Variants in DGKI observed in about 807,000 individuals in gnomAD.
DGKI encodes the protein DAG kinase iota.
A neutral mutation model predicts 147.5 loss-of-function variants in DGKI; 55 were observed. That is an observed-to-expected ratio of 0.37 (90% CI 0.30 to 0.47). DGKI has a LOEUF of 0.47. Ranked by LOEUF, DGKI falls within the 20% of genes least tolerant of loss-of-function variation. DGKI has a pLI of 1.00. For synonymous variants in DGKI, 469 were observed against 477.1 expected, an observed-to-expected ratio of 0.98 and a Z score of 0.22; for missense variants, 1,007 against 1,323.8, an observed-to-expected ratio of 0.76 and a Z score of 3.71.
chr7:137,592,389 C>G (rs1383287475), intron 12 of DGKI, among the ~76,000 whole-genome samples: 1 of 152,228 alleles, frequency 6.6e-6, no homozygotes, highest in Non-Finnish European at 1.5e-5. Context: ...GCAGGGCTGA[C>G]AGATTGAGAA....
intron 1 of DGKI, among the ~76,000 whole-genome samples, chr7:137,699,299 T>C (rs950122551): frequency 5.3e-5 from 8 of 152,194 alleles, no homozygotes; most frequent in Non-Finnish European, 1.5e-5. Flanking sequence ...GATTTTAGGA[T>C]TGAGAGGGGG....
chr7:137,598,210 C>T (rs764253790), intron 11 of DGKI, among the ~76,000 whole-genome samples: 2 of 152,152 alleles, frequency 1.3e-5, no homozygotes, highest in Non-Finnish European at 2.9e-5. Context: ...TTATTTTCCT[C>T]GTTAGTTTTG....
chr7:137,583,063 C>T (rs1302713718), intron 14 of DGKI, among the ~76,000 whole-genome samples: 1 of 151,936 alleles, frequency 6.6e-6, no homozygotes, highest in African/African-American at 2.4e-5. Flanking sequence ...GGAGAACTTC[C>T]TTTCATTAAG....
intron 1 of DGKI, among the ~76,000 whole-genome samples, chr7:137,790,242 AC>A (rs1796810222): frequency 6.7e-6 from 1 of 149,358 alleles, no homozygotes; most frequent in Non-Finnish European, 1.5e-5. Flanking sequence ...ACACACACAC[AC>A]ACACACACAC....
intron 1 of DGKI, among the ~76,000 whole-genome samples, chr7:137,828,039 CT>C (rs1798109597): frequency 6.6e-6 from 1 of 152,198 alleles, no homozygotes; most frequent in Admixed American, 6.5e-5. Context: ...CAGGGCTCCC[CT>C]ATCCTGCCCG....
At chr7:137,623,641 A>G in intron 6 of DGKI, 87 bp from the exon 7 acceptor site, 1 of 1,097,800 alleles carries the variant, frequency 9.1e-7, no homozygotes, top group Non-Finnish European at 1.4e-6. Flanking sequence ...TGACGTGAAT[A>G]AGGCCAGAAG....
intron 1 of DGKI, among the ~76,000 whole-genome samples, chr7:137,840,629 T>C (rs1210804141): frequency 6.6e-6 from 1 of 152,194 alleles, no homozygotes; most frequent in African/African-American, 2.4e-5. Context: ...GCTGCCTAAA[T>C]GGCTGATGCA....
chr7:137,646,535 C>T (rs950756258), intron 5 of DGKI, among the ~76,000 whole-genome samples: 1 of 152,158 alleles, frequency 6.6e-6, no homozygotes, highest in African/African-American at 2.4e-5. Context: ...GGATACATTA[C>T]AAGAAAGTCA....
rs1048829393 is a variant in DGKI, at chr7:137,389,613, T to C, written c.*1607A>G. ...TCAGATTTCGCCAAAAGTAAAATCC[T>C]TGGACACCTACTTTTATTTTTGACT... is the stretch of plus-strand genomic sequence containing the variant. On this transcript the variant is annotated 3_prime_UTR_variant, in exon 33 of 33. Coordinates refer to ENST00000614521, the MANE Select transcript of DGKI (RefSeq NM_001321708.2). 5.3e-5 allele frequency: 8 copies of C among 152,180 alleles called. No homozygotes were observed. Among genetic ancestry groups the C allele is most frequent in the African/African-American group, 1.7e-4 (7 of 41,460 alleles). 9.4% of individuals were successfully genotyped at this position (152,180 alleles called of 1,614,324 possible).
Position 137,395,941 on chromosome 7 carries a change from A to G in DGKI, c.2958-244T>C, listed in dbSNP as rs559361944. On this transcript the variant is annotated intron_variant, in intron 31 of 32. Coordinates refer to ENST00000614521, the MANE Select transcript of DGKI (RefSeq NM_001321708.2). ...CAAATAGTGTTGATTAAGTTTAGTA[A>G]TTTTTTTAAAAGCTACTACTATTTG... 6 of 477,214 alleles carry G rather than the reference A, an allele frequency of 1.3e-5. No homozygotes were observed. In the Admixed American group the frequency reaches 2.0e-4, roughly 16 times the overall value. The allele number at this position is 477,214 out of a possible 1,614,324, so 29.6% of individuals were successfully genotyped here. A position where few individuals can be genotyped will look rare whatever the true frequency, so the allele number is the denominator to read the frequency against.
chr7:137,607,441 T>C (rs772237093), intron 10 of DGKI, among the ~76,000 whole-genome samples: 23 of 152,218 alleles, frequency 1.5e-4, no homozygotes, highest in Non-Finnish European at 2.5e-4. Context: ...CCGTCATTAA[T>C]AATTTACACA....
chr7:137,735,311 T>C (rs977493373), intron 1 of DGKI, among the ~76,000 whole-genome samples: 2 of 152,164 alleles, frequency 1.3e-5, no homozygotes, highest in African/African-American at 4.8e-5. Context: ...GCTTTACTAA[T>C]CATCAATTCA....
intron 20 of DGKI, among the ~76,000 whole-genome samples, chr7:137,538,158 C>T (rs994370293): frequency 4.6e-5 from 7 of 152,144 alleles, no homozygotes; most frequent in Admixed American, 4.6e-4. Context: ...ATTTAGCCAT[C>T]TATGGCTAAT....
chr7:137,649,843 TTA>T (rs1821963216), intron 5 of DGKI, among the ~76,000 whole-genome samples: 1 of 150,966 alleles, frequency 6.6e-6, no homozygotes, highest in African/African-American at 2.4e-5. Context: ...CCGTTATGGC[TTA>T]TGACTAAGAA....
chr7:137,571,244 G>T lies in DGKI; in HGVS notation c.1878C>A (p.His626Gln), dbSNP rs926312060. 5 of 1,613,012 alleles carry T rather than the reference G, an allele frequency of 3.1e-6. No individual in the cohort carries two copies. Among genetic ancestry groups the T allele is most frequent in the Non-Finnish European group, 4.2e-6 (5 of 1,179,886 alleles). Residue 626 changes from histidine (H) to glutamine (Q), a missense_variant, in exon 19 of 33, where the codon CAC (histidine) becomes CAA (glutamine). Coordinates refer to ENST00000614521, the MANE Select transcript of DGKI (RefSeq NM_001321708.2). ...CATGACGCTGAGGTTCGAAATCATGGTGATCACCTGGGTTTCCCCAGGGCA... is the reference window on the plus strand; with the variant it reads ...CATGACGCTGAGGTTCGAAATCATGTTGATCACCTGGGTTTCCCCAGGGCA... The part of the protein sequence containing the change: ...GTMPWGNPGD[H>Q]HDFEPQRHDD...
rs58790936 is a variant in DGKI, at chr7:137,734,859, C to T, written c.402-44857G>A. 9.3e-3 allele frequency among the ~76,000 whole-genome samples: 1,418 copies of T among 152,206 alleles called. 29 individuals are homozygous for T. The highest frequency in any genetic ancestry group is 0.033 in the African/African-American group (1,369 of 41,552). ...AATCCAGACTTCTGTGACTCATGAC[C>T]TTTAAAGTGCCTGGCACAGAGTGCG... On this transcript the variant is annotated intron_variant, in intron 1 of 32. Coordinates refer to ENST00000614521, the MANE Select transcript of DGKI (RefSeq NM_001321708.2).
chr7:137,748,376 G>A (rs1257464214), intron 1 of DGKI, among the ~76,000 whole-genome samples: 7 of 150,374 alleles, frequency 4.7e-5, no homozygotes, highest in South Asian at 2.1e-4. Context: ...GAATGGGGGC[G>A]GAATATAAAA....
chr7:137,470,397 A>G (rs1585145071), intron 23 of DGKI, among the ~76,000 whole-genome samples: 2 of 152,100 alleles, frequency 1.3e-5, no homozygotes, highest in East Asian at 3.9e-4. Context: ...TCCAAAGTCA[A>G]TCACTTAATT....
intron 1 of DGKI, among the ~76,000 whole-genome samples, chr7:137,743,839 T>C (rs1795247261): frequency 1.3e-5 from 2 of 151,716 alleles, no homozygotes; most frequent in East Asian, 3.9e-4. Context: ...AAAAATTAGC[T>C]GGGCGTGGTG....
Sources: allele counts gnomAD v4.1 joint callset (sites outside exome capture counted in the v4.1 genomes callset), GRCh38; gene constraint gnomAD v4.1.1; transcripts MANE v1.5; gene names NCBI Gene and HGNC (gene_info 2026-07-23, HGNC 2026-07-21).